Variants in DAAM1 observed in about 807,000 individuals in gnomAD.
DAAM1 encodes the protein disheveled-associated activator of morphogenesis 1.
A neutral mutation model predicts 130.0 loss-of-function variants in DAAM1; 52 were observed. The observed-to-expected ratio is 0.40, with a 90% CI of 0.32 to 0.50. The LOEUF (loss-of-function observed/expected upper bound fraction) is 0.50. Among genes scored for constraint, DAAM1 ranks in the 20% least tolerant of loss-of-function variants. DAAM1 has a pLI of 0.61. For missense variants in DAAM1, 1,134 were observed against 1,303.8 expected, an observed-to-expected ratio of 0.87 and a Z score of 2.01; for synonymous variants, 452 against 444.5, an observed-to-expected ratio of 1.02 and a Z score of -0.21.
At chr14:59,338,458 G>T (rs758733837) in intron 15 of DAAM1, 1 of 1,604,414 alleles carries the variant, frequency 6.2e-7, no homozygotes, top group Non-Finnish European at 8.5e-7. Flanking sequence ...TAACTCCTTG[G>T]CTCACTGTAA....
intron 2 of DAAM1, among the ~76,000 whole-genome samples, chr14:59,285,869 C>T (rs1268434724): frequency 6.6e-6 from 1 of 152,078 alleles, no homozygotes; most frequent in East Asian, 1.9e-4. Flanking sequence ...ATCATTGAGG[C>T]AGAAAACTAA....
intron 2 of DAAM1, among the ~76,000 whole-genome samples, chr14:59,281,295 C>T (rs1380979822): frequency 6.6e-6 from 1 of 152,154 alleles, no homozygotes; most frequent in Non-Finnish European, 1.5e-5. Context: ...ACCAGGCTAG[C>T]AGGGGGACCC....
intron 1 of DAAM1, among the ~76,000 whole-genome samples, chr14:59,204,164 C>T (rs1024384185): frequency 6.6e-6 from 1 of 152,238 alleles, no homozygotes; most frequent in Non-Finnish European, 1.5e-5. Flanking sequence ...TAGTAGTCTG[C>T]ACATGCTGTG....
intron 1 of DAAM1, among the ~76,000 whole-genome samples, chr14:59,259,156 A>G (rs1384609399): frequency 1.3e-5 from 2 of 152,206 alleles, no homozygotes; most frequent in Non-Finnish European, 2.9e-5. Flanking sequence ...ATTGCTGTTT[A>G]TTTATTCTGT....
chr14:59,233,073 A>G (rs1401575091), intron 1 of DAAM1, among the ~76,000 whole-genome samples: 1 of 152,096 alleles, frequency 6.6e-6, no homozygotes, highest in African/African-American at 2.4e-5. Context: ...TGTCTTTGGT[A>G]TTGTAAATGG....
At chr14:59,216,745 C>T (rs1254017775) in intron 1 of DAAM1, among the ~76,000 whole-genome samples, 1 of 151,880 alleles carries the variant, frequency 6.6e-6, no homozygotes, top group African/African-American at 2.4e-5. Context: ...AAGTCAATTT[C>T]ATATCACCAT....
chr14:59,226,067 T>A (rs997429761), intron 1 of DAAM1, among the ~76,000 whole-genome samples: 2 of 152,306 alleles, frequency 1.3e-5, no homozygotes, highest in Non-Finnish European at 1.5e-5. Flanking sequence ...ATTTTTTTTT[T>A]TATATTTGAG....
chr14:59,258,545 T>G (rs1045946612), intron 1 of DAAM1, among the ~76,000 whole-genome samples: 2 of 152,188 alleles, frequency 1.3e-5, no homozygotes, highest in Non-Finnish European at 2.9e-5. Context: ...AATATGCATA[T>G]TAAATCATAT....
intron 1 of DAAM1, among the ~76,000 whole-genome samples, chr14:59,204,875 T>A (rs1033089048): frequency 6.6e-6 from 1 of 152,048 alleles, no homozygotes; most frequent in African/African-American, 2.4e-5. Context: ...CTTAAAAAAA[T>A]AAATAAATAA....
intron 22 of DAAM1, chr14:59,362,957 C>G (rs1886767676): frequency 6.6e-6 from 1 of 152,202 alleles, no homozygotes; most frequent in African/African-American, 2.4e-5. Context: ...ATAGTGATCC[C>G]TCACTCATAG....
chr14:59,314,925 C>T (rs1418443374), intron 3 of DAAM1, among the ~76,000 whole-genome samples: 1 of 152,178 alleles, frequency 6.6e-6, no homozygotes, highest in Non-Finnish European at 1.5e-5. Flanking sequence ...TTCCTTCTCT[C>T]ATGGATTCCA....
intron 3 of DAAM1, among the ~76,000 whole-genome samples, chr14:59,310,506 T>C (rs1212396917): frequency 2.6e-5 from 4 of 152,196 alleles, no homozygotes; most frequent in Non-Finnish European, 5.9e-5. Flanking sequence ...ATTCTATATA[T>C]GATTACGGTT....
At chr14:59,215,476 G>A (rs765145859) in intron 1 of DAAM1, among the ~76,000 whole-genome samples, 7 of 152,226 alleles carry the variant, frequency 4.6e-5, no homozygotes, top group African/African-American at 1.7e-4. Flanking sequence ...CTGGATGCTG[G>A]TCAGCTGGCT....
At chr14:59,282,266 G>C (rs1051931819) in intron 2 of DAAM1, among the ~76,000 whole-genome samples, 1 of 152,032 alleles carries the variant, frequency 6.6e-6, no homozygotes, top group African/African-American at 2.4e-5. Flanking sequence ...GTGACTATTT[G>C]ATTTCCCCTC....
Position 59,294,313 on chromosome 14 carries a change from C to T in DAAM1, c.273+3007C>T, listed in dbSNP as rs10047909. Among the ~76,000 whole-genome samples, 1,350 of 152,322 alleles carry T rather than the reference C, an allele frequency of 8.9e-3. 26 individuals are homozygous for T. The highest frequency in any genetic ancestry group is 0.031 in the African/African-American group (1,295 of 41,576). ...GCAGCAGCTATCTGCTTATCAAGCT[C>T]AGTGTTCATTTATGAAACTTCTCTA... On this transcript the variant is annotated intron_variant, in intron 3 of 24. Transcript: ENST00000360909.
chr14:59,248,369 A>C (rs192539913), intron 1 of DAAM1, among the ~76,000 whole-genome samples: 56 of 152,202 alleles, frequency 3.7e-4, no homozygotes, highest in African/African-American at 1.3e-3. Context: ...CTCAGGCTTA[A>C]GTAAAGAGTG....
At chr14:59,262,715 T>C (rs1882231598) in intron 1 of DAAM1, among the ~76,000 whole-genome samples, 1 of 150,986 alleles carries the variant, frequency 6.6e-6, no homozygotes, top group Non-Finnish European at 1.5e-5. Flanking sequence ...AACCATTTCC[T>C]TTCCTTGCTG....
At chr14:59,256,503 T>C (rs1213205823) in intron 1 of DAAM1, among the ~76,000 whole-genome samples, 2 of 152,230 alleles carry the variant, frequency 1.3e-5, no homozygotes, top group Non-Finnish European at 2.9e-5. Flanking sequence ...ATTGTTTCCT[T>C]GTGTATAGCA....
In DAAM1 at chr14:59,346,966, G is replaced by GT. The variant is rs1886107220; in HGVS notation, c.2076-567dup. 2.6e-5 allele frequency among the ~76,000 whole-genome samples: 4 copies of GT among 152,124 alleles called. No individual in the cohort carries two copies. In the South Asian group the frequency reaches 8.3e-4, roughly 32 times the overall value. On this transcript the variant is annotated intron_variant, in intron 16 of 24. Coordinates refer to ENST00000360909, the MANE Select transcript of DAAM1 (RefSeq NM_001270520.2). ...GAGTCGTGGGTTTGTGGTTACTGTC[G>GT]TTTTTTATGTCTGACCTCGGACAAA...
Sources: gnomAD v4.1 joint callset for allele counts (sites outside exome capture counted in the v4.1 genomes callset) on GRCh38, gnomAD v4.1.1 for gene constraint, MANE v1.5 for transcripts, NCBI Gene and HGNC (gene_info 2026-07-23, HGNC 2026-07-21) for gene names.